GCNT1: variants seen among roughly 807,000 people sequenced by gnomAD.
GCNT1 encodes beta-1,3-galactosyl-O-glycosyl-glycoprotein beta-1,6-N-acetylglucosaminyltransferase.
In GCNT1, 16 loss-of-function variants were observed where a neutral mutation model predicts 26.2. The ratio of observed to expected loss-of-function variants is 0.61; its 90% CI spans 0.41 to 0.93. The LOEUF (loss-of-function observed/expected upper bound fraction) is 0.93. GCNT1 is among the 40% of genes least tolerant of loss of function. The pLI is 0.00. For missense variants in GCNT1, 477 were observed against 526.7 expected (o/e 0.91, Z 0.92); for synonymous variants, 183 against 190.8 (o/e 0.96, Z 0.34).
At chr9:76,403,103 A>G in the GCNT1 span, among the ~76,000 whole-genome samples, 1 of 152,186 alleles carries the variant, frequency 6.6e-6, no homozygotes, top group African/African-American at 2.4e-5. Flanking sequence ...ATGAGACACT[A>G]AAAATATCTC....
chr9:76,448,255 C>A (rs1823609126), intron 1 of GCNT1, among the ~76,000 whole-genome samples: 1 of 152,146 alleles, frequency 6.6e-6, no homozygotes, highest in Non-Finnish European at 1.5e-5. Flanking sequence ...AGTTTGAGAC[C>A]AGCCTGGGCA....
At chr9:76,399,984 T>C in the GCNT1 span, among the ~76,000 whole-genome samples, 6 of 152,202 alleles carry the variant, frequency 3.9e-5, no homozygotes. Context: ...CTGAAAAGGC[T>C]ACATAACACA....
intron 3 of GCNT1, 128 bp downstream of exon 3, chr9:76,501,189 A>C (rs888297775): frequency 6.6e-6 from 1 of 152,034 alleles, no homozygotes; most frequent in Non-Finnish European, 1.5e-5. Context: ...GGCATTAAAA[A>C]CTCGTGTCAA....
At chr9:76,428,152 G>T (rs1174901230) in intron 1 of GCNT1, among the ~76,000 whole-genome samples, 2 of 151,538 alleles carry the variant, frequency 1.3e-5, no homozygotes, top group Non-Finnish European at 2.9e-5. Context: ...TGTAGTCCCA[G>T]CTACTCAGGA....
Position 76,503,362 on chromosome 9 carries a change from A to G in GCNT1, c.981A>G (p.Gln327=), listed in dbSNP as rs763389024. 2 of 1,614,178 alleles carry G rather than the reference A, an allele frequency of 1.2e-6. No homozygotes were observed. Among genetic ancestry groups the G allele is most frequent in the Non-Finnish European group, 1.7e-6 (2 of 1,180,022 alleles). The change falls in exon 4 of 4, where the codon CAA becomes CAG. Residue 327 remains glutamine (Q), a synonymous_variant. Transcript: ENST00000376730. ...ATGAGTATCTCTGGGCCACCATCCA[A>G]AGGATTCCTGAAGTCCCGGGCTCAC... ...SPDEYLWATI[Q]RIPEVPGSLP... is the part of the protein sequence containing the mutation.
chr9:76,502,341 A>C lies in GCNT1; in HGVS notation c.-41A>C. ...AAATCATTGGTGCTTGGAGCATAGA[A>C]GACTGCCCTTCACAAAGGAAATCCC... On this transcript the variant is annotated 5_prime_UTR_variant, in exon 4 of 4. Transcript: ENST00000376730. The C allele has an allele frequency of 7.1e-7, 1 of 1,404,570 alleles. No individual in the cohort carries two copies. The allele number at this position is 1,404,570 out of a possible 1,614,324, so 87.0% of individuals were successfully genotyped here.
At chr9:76,467,236 G>A (rs945095477) in intron 2 of GCNT1, among the ~76,000 whole-genome samples, 3 of 152,116 alleles carry the variant, frequency 2.0e-5, no homozygotes, top group African/African-American at 7.2e-5. Context: ...TAGAGATGGG[G>A]TTTCACCGTG....
chr9:76,461,703 C>T (rs1823873699), intron 2 of GCNT1, among the ~76,000 whole-genome samples: 1 of 152,056 alleles, frequency 6.6e-6, no homozygotes, highest in African/African-American at 2.4e-5. Flanking sequence ...GCCTGACCAA[C>T]ATGGCAAAAC....
At chr9:76,476,062 A>AT (rs1396724550) in intron 2 of GCNT1, among the ~76,000 whole-genome samples, 15 of 152,154 alleles carry the variant, frequency 9.9e-5, no homozygotes, top group African/African-American at 3.6e-4. Context: ...AGTGCTTTTT[A>AT]TTTTTGCTAA....
At chr9:76,394,391 C>G in the GCNT1 span, 9 of 487,736 alleles carry the variant, frequency 1.8e-5, no homozygotes, top group Admixed American at 4.2e-5. Flanking sequence ...GGAGCTGCGT[C>G]TCCGCTGGAG....
intron 2 of GCNT1, among the ~76,000 whole-genome samples, chr9:76,481,425 A>G (rs544250792): frequency 2.9e-4 from 44 of 150,022 alleles, no homozygotes; most frequent in Admixed American, 9.3e-4. Flanking sequence ...TTTTTTTTTT[A>G]AGCTCATCAG....
intron 2 of GCNT1, among the ~76,000 whole-genome samples, chr9:76,493,339 G>C (rs540375200): frequency 9.9e-5 from 15 of 152,020 alleles, no homozygotes; most frequent in African/African-American, 3.6e-4. Flanking sequence ...CCAAACTCTC[G>C]GGCTGCAGCT....
At chr9:76,446,317 G>A (rs1185039188) in intron 1 of GCNT1, among the ~76,000 whole-genome samples, 1 of 152,118 alleles carries the variant, frequency 6.6e-6, no homozygotes, top group African/African-American at 2.4e-5. Flanking sequence ...GAGAGTTTTT[G>A]CAGAAGCTGA....
intron 2 of GCNT1, among the ~76,000 whole-genome samples, chr9:76,485,028 C>T (rs1474785943): frequency 6.6e-6 from 1 of 152,178 alleles, no homozygotes; most frequent in Non-Finnish European, 1.5e-5. Context: ...ACCTCATGAT[C>T]CGCCCACCTT....
At chr9:76,397,182 T>G in the GCNT1 span, among the ~76,000 whole-genome samples, 1 of 152,112 alleles carries the variant, frequency 6.6e-6, no homozygotes, top group Non-Finnish European at 1.5e-5. Context: ...CTCGGGAGAC[T>G]GGGGCGGAAG....
chr9:76,446,956 G>T (rs1823586436), intron 1 of GCNT1, among the ~76,000 whole-genome samples: 2 of 151,750 alleles, frequency 1.3e-5, no homozygotes, highest in African/African-American at 4.8e-5. Context: ...GGAGTTTGAG[G>T]CCAACGTGGC....
At chr9:76,436,287 AG>A (rs964921640) in intron 1 of GCNT1, among the ~76,000 whole-genome samples, 1 of 152,058 alleles carries the variant, frequency 6.6e-6, no homozygotes, top group Non-Finnish European at 1.5e-5. Flanking sequence ...ACCTTCCACA[AG>A]TGGTGGGAAT....
the GCNT1 span, among the ~76,000 whole-genome samples, chr9:76,396,835 T>C: frequency 6.6e-6 from 1 of 152,274 alleles, no homozygotes; most frequent in East Asian, 1.9e-4. Flanking sequence ...CGAGACTCTG[T>C]CTCAGCCAGG....
intron 2 of GCNT1, among the ~76,000 whole-genome samples, chr9:76,484,744 T>C (rs1824519708): frequency 1.3e-5 from 2 of 151,918 alleles, no homozygotes; most frequent in South Asian, 4.2e-4. Context: ...ATGTTTATAT[T>C]ACTATAGCCA....
Sources: gnomAD v4.1 joint callset for allele counts (sites outside exome capture counted in the v4.1 genomes callset) on GRCh38, gnomAD v4.1.1 for gene constraint, MANE v1.5 for transcripts, NCBI Gene and HGNC (gene_info 2026-07-23, HGNC 2026-07-21) for gene names.